SLC39A11: variants seen among roughly 807,000 people sequenced by gnomAD.
SLC39A11 encodes the protein solute carrier family 39 member 11, also known as zinc transporter ZIP11.
SLC39A11 carries 33 observed loss-of-function variants against 36.1 expected under a neutral mutation model. That is an observed-to-expected ratio of 0.91 (90% CI 0.69 to 1.22). The LOEUF is 1.22. Among genes scored for constraint, SLC39A11 ranks in the 50% most tolerant of loss-of-function variants. SLC39A11 has a pLI of 0.00. For missense variants in SLC39A11, 432 were observed against 430.3 expected, an observed-to-expected ratio of 1.00 and a Z score of -0.03; for synonymous variants, 166 against 170.3, an observed-to-expected ratio of 0.97 and a Z score of 0.20.
At position 72,916,716 on chromosome 17, in the gene SLC39A11, C is replaced by T. The variant is rs547709135; in HGVS notation, c.430+31036G>A. On this transcript the variant is annotated intron_variant, in intron 5 of 9. Coordinates refer to ENST00000255559, the MANE Select transcript of SLC39A11 (RefSeq NM_139177.4). ...CCAGCCTTCCTCTGGCCACTGAAGC[C>T]ACATTCCTGGGTCCATATATACCCT... Among the ~76,000 whole-genome samples the T allele has an allele frequency of 2.4e-3, 363 of 152,262 alleles. 3 individuals carry two copies. The highest frequency in any genetic ancestry group is 3.4e-3 in the Middle Eastern group (1 of 294).
chr17:72,957,709 C>T (rs866715575), intron 4 of SLC39A11, among the ~76,000 whole-genome samples: 4 of 152,034 alleles, frequency 2.6e-5, no homozygotes, highest in Admixed American at 2.6e-4. Flanking sequence ...GTCCCAGCTA[C>T]TGGGGAGGCT....
chr17:72,762,416 A>G (rs1336836960), intron 6 of SLC39A11, among the ~76,000 whole-genome samples: 2 of 152,194 alleles, frequency 1.3e-5, no homozygotes, highest in Non-Finnish European at 2.9e-5. Context: ...AACACCAGGA[A>G]GTTACCCTAT....
intron 5 of SLC39A11, among the ~76,000 whole-genome samples, chr17:72,941,819 A>G (rs757765988): frequency 2.0e-4 from 30 of 152,172 alleles, no homozygotes; most frequent in South Asian, 1.2e-3. Flanking sequence ...CCCTCCTGCA[A>G]AATATTTTTG....
chr17:72,729,453 A>T (rs1288594031), intron 7 of SLC39A11, among the ~76,000 whole-genome samples: 2,869 of 6,504 alleles, frequency 0.44, 563 homozygotes, highest in African/African-American at 0.51. Context: ...ATATATATAT[A>T]TATATTTTTT....
At chr17:72,823,293 G>C (rs1275877603) in intron 6 of SLC39A11, among the ~76,000 whole-genome samples, 1 of 151,186 alleles carries the variant, frequency 6.6e-6, no homozygotes, top group African/African-American at 2.4e-5. Context: ...CAGAGTGCCA[G>C]GAGCCAGATT....
At chr17:72,681,852 T>A (rs2071523145) in intron 7 of SLC39A11, among the ~76,000 whole-genome samples, 1 of 152,246 alleles carries the variant, frequency 6.6e-6, no homozygotes, top group African/African-American at 2.4e-5. Context: ...TTTTTCTCAT[T>A]TACTTTATTG....
chr17:72,799,725 T>C (rs1232162377), intron 6 of SLC39A11, among the ~76,000 whole-genome samples: 1 of 151,750 alleles, frequency 6.6e-6, no homozygotes, highest in Non-Finnish European at 1.5e-5. Context: ...GGTTCTCTGC[T>C]CTCGAACCCT....
rs185008361 is a variant in SLC39A11 at position 72,803,489 on chromosome 17, G to A, written c.601+46145C>T. On this transcript the variant is annotated intron_variant, in intron 6 of 9. Transcript: ENST00000255559. ...GCCCAAACAGGTTACTCTAGGGAAA[G>A]TGGGGGAAGGCTGTGTGGACCATTG... Among the ~76,000 whole-genome samples the A allele has an allele frequency of 4.0e-3, 607 of 152,374 alleles. 4 individuals carry two copies. Among genetic ancestry groups the A allele is most frequent in the Admixed American group, 5.6e-3 (85 of 15,314 alleles).
At chr17:73,065,661 T>G (rs891010348) in intron 3 of SLC39A11, among the ~76,000 whole-genome samples, 2 of 152,182 alleles carry the variant, frequency 1.3e-5, no homozygotes, top group African/African-American at 4.8e-5. Context: ...ACACAGCCCT[T>G]GGACTGAGAG....
chr17:72,927,634 G>A (rs919371374), intron 5 of SLC39A11, among the ~76,000 whole-genome samples: 1 of 151,978 alleles, frequency 6.6e-6, no homozygotes, highest in Non-Finnish European at 1.5e-5. Context: ...TTGCAATCAC[G>A]CCTCCCCACC....
intron 3 of SLC39A11, among the ~76,000 whole-genome samples, chr17:73,062,271 G>T (rs747918526): frequency 5.3e-5 from 8 of 151,116 alleles, no homozygotes; most frequent in Non-Finnish European, 1.0e-4. Context: ...ACCACCCTGG[G>T]CAACATAGCA....
chr17:72,668,084 T>C (rs1473384715), intron 7 of SLC39A11, among the ~76,000 whole-genome samples: 2 of 152,174 alleles, frequency 1.3e-5, no homozygotes, highest in Admixed American at 1.3e-4. Flanking sequence ...CTTTGTACCA[T>C]GAAATCATGT....
intron 5 of SLC39A11, among the ~76,000 whole-genome samples, chr17:72,877,928 C>G (rs1041582500): frequency 3.3e-5 from 5 of 151,468 alleles, no homozygotes; most frequent in African/African-American, 9.7e-5. Flanking sequence ...ATTAACTCAT[C>G]ATTTAGCGTT....
intron 7 of SLC39A11, among the ~76,000 whole-genome samples, chr17:72,661,753 C>A (rs1485944482): frequency 6.6e-6 from 1 of 152,110 alleles, no homozygotes; most frequent in African/African-American, 2.4e-5. Context: ...CCTCTTGGTG[C>A]AGTTCTCGGA....
intron 4 of SLC39A11, among the ~76,000 whole-genome samples, chr17:73,029,313 T>C (rs879647901): frequency 3.3e-5 from 5 of 151,670 alleles, no homozygotes; most frequent in African/African-American, 7.3e-5. Context: ...GGAAGCCCAG[T>C]TGGGTGCAGG....
intron 5 of SLC39A11, among the ~76,000 whole-genome samples, chr17:72,901,087 A>T (rs2082373608): frequency 6.6e-6 from 1 of 152,240 alleles, no homozygotes; most frequent in Admixed American, 6.5e-5. Context: ...ATGCTGTTAA[A>T]CTGAAAAATC....
intron 4 of SLC39A11, among the ~76,000 whole-genome samples, chr17:73,028,471 T>A (rs2058632769): frequency 1.3e-5 from 2 of 152,160 alleles, no homozygotes. Flanking sequence ...CAAGCACAAC[T>A]CTTTCAACAA....
At chr17:72,986,892 A>G (rs1415685088) in intron 4 of SLC39A11, among the ~76,000 whole-genome samples, 2 of 152,166 alleles carry the variant, frequency 1.3e-5, no homozygotes, top group African/African-American at 4.8e-5. Context: ...AGTTTTTTAT[A>G]CCAGAAGGGA....
intron 4 of SLC39A11, among the ~76,000 whole-genome samples, chr17:72,953,827 A>G (rs995148402): frequency 6.6e-6 from 1 of 152,268 alleles, no homozygotes; most frequent in Non-Finnish European, 1.5e-5. Flanking sequence ...ATTGCTACTA[A>G]CAACCGTGTC....
Sources: gnomAD v4.1 joint callset for allele counts (sites outside exome capture counted in the v4.1 genomes callset) on GRCh38, gnomAD v4.1.1 for gene constraint, MANE v1.5 for transcripts, NCBI Gene and HGNC (gene_info 2026-07-23, HGNC 2026-07-21) for gene names.